The following DAB1 variants were observed in gnomAD, a reference collection of about 807,000 sequenced individuals.
DAB1 encodes the protein DAB adaptor protein 1, also known as disabled homolog 1.
DAB1 carries 15 observed loss-of-function variants against 64.6 expected under a neutral mutation model. The ratio of observed to expected loss-of-function variants is 0.23; its 90% CI spans 0.16 to 0.36. The LOEUF (loss-of-function observed/expected upper bound fraction) is 0.36, where lower values mean the gene tolerates loss of function less well. Among genes scored for constraint, DAB1 ranks in the 10% least tolerant of loss-of-function variants. The pLI is 1.00. For synonymous variants in DAB1, 235 were observed against 251.9 expected, an observed-to-expected ratio of 0.93 and a Z score of 0.64; for missense variants, 596 against 706.7, an observed-to-expected ratio of 0.84 and a Z score of 1.78.
At chr1:57,320,675 T>C (rs1406696951) in intron 1 of DAB1, among the ~76,000 whole-genome samples, 1 of 152,100 alleles carries the variant, frequency 6.6e-6, no homozygotes, top group Non-Finnish European at 1.5e-5. Context: ...AGGCACAAGT[T>C]TCTTTGTTAT....
At chr1:58,140,443 T>A (rs879921375) in intron 5 of DAB1, among the ~76,000 whole-genome samples, 4 of 152,142 alleles carry the variant, frequency 2.6e-5, no homozygotes, top group African/African-American at 4.8e-5. Context: ...GGATAAAAAA[T>A]CCTTAAAAGC....
At chr1:57,107,298 C>T (rs12407883) in intron 4 of DAB1, among the ~76,000 whole-genome samples, 5 of 150,970 alleles carry the variant, frequency 3.3e-5, no homozygotes, top group East Asian at 3.9e-4. Flanking sequence ...TCGCTTGAAC[C>T]GGGGAGGCGG....
At chr1:57,867,084 C>A (rs970443416) in intron 1 of DAB1, 1 of 152,186 alleles carries the variant, frequency 6.6e-6, no homozygotes, top group Non-Finnish European at 1.5e-5. Context: ...TGCAAAGGAA[C>A]ACATCCTGCC....
intron 1 of DAB1, among the ~76,000 whole-genome samples, chr1:57,402,605 T>C (rs540927660): frequency 6.6e-6 from 1 of 152,186 alleles, no homozygotes; most frequent in African/African-American, 2.4e-5. Context: ...TTGATTCAGA[T>C]TCTTCTAAGA....
intron 3 of DAB1, among the ~76,000 whole-genome samples, chr1:58,364,508 C>T (rs1644197550): frequency 6.6e-6 from 1 of 152,196 alleles, no homozygotes; most frequent in African/African-American, 2.4e-5. Flanking sequence ...ACCAGAGATG[C>T]TAATAGCTTA....
At chr1:57,981,733 C>T (rs529302491) in intron 5 of DAB1, among the ~76,000 whole-genome samples, 1 of 152,248 alleles carries the variant, frequency 6.6e-6, no homozygotes, top group East Asian at 1.9e-4. Flanking sequence ...TCTGTTGTCC[C>T]CTGACATAAA....
At chr1:57,309,587 C>A (rs1674496923) in intron 1 of DAB1, among the ~76,000 whole-genome samples, 1 of 152,090 alleles carries the variant, frequency 6.6e-6, no homozygotes, top group East Asian at 1.9e-4. Context: ...GAAACATTTT[C>A]CTAGAACTCC....
chr1:57,243,723 G>C (rs891730720), intron 2 of DAB1, among the ~76,000 whole-genome samples: 9 of 152,094 alleles, frequency 5.9e-5, no homozygotes, highest in Non-Finnish European at 1.2e-4. Context: ...AAATTCATTG[G>C]AGGCAGATGA....
intron 4 of DAB1, among the ~76,000 whole-genome samples, chr1:58,232,954 G>A (rs181204182): frequency 5.9e-4 from 90 of 152,232 alleles, no homozygotes; most frequent in Admixed American, 2.7e-3. Context: ...CTCCAAGCAG[G>A]TTGTTAGTGC....
In DAB1 at chr1:57,716,692, G is replaced by A. The variant is rs186377632; in HGVS notation, n.552-67027C>T. 5.1e-4 allele frequency among the ~76,000 whole-genome samples: 77 copies of A among 152,172 alleles called. 1 individual carries two copies. The highest frequency in any genetic ancestry group is 8.2e-4 in the Non-Finnish European group (56 of 68,008). On this transcript the variant is annotated intron_variant and non_coding_transcript_variant, in intron 6 of 20. Transcript: ENST00000485760. Reference sequence around the variant, plus strand: ...AACAGGGCAAGGATTGTTAAAATACGACTTCAAAAGCAAAGGCAACAAAAG... The same window carrying A: ...AACAGGGCAAGGATTGTTAAAATACAACTTCAAAAGCAAAGGCAACAAAAG...
intron 1 of DAB1, chr1:58,538,760 AAT>A (rs1326618109): frequency 5.6e-6 from 4 of 716,836 alleles, no homozygotes; most frequent in African/African-American, 1.8e-5. Context: ...GCAAAAAGTT[AAT>A]ATAAAAGTTT....
At chr1:58,181,149 T>C (rs1656768220) in intron 4 of DAB1, among the ~76,000 whole-genome samples, 1 of 152,180 alleles carries the variant, frequency 6.6e-6, no homozygotes, top group African/African-American at 2.4e-5. Flanking sequence ...GTTTTGGGAC[T>C]CTGTTGTTAG....
rs1341446315 is a variant in DAB1 at position 58,118,503 on chromosome 1, T to TATATACAC, written n.387+32007_387+32008insGTGTATAT. ...ATATATATATATATATATATATATATACACACACACACACACACATATATA... is the reference window on the plus strand; with the variant it reads ...ATATATATATATATATATATATATATATATACACACACACACACACACACACATATATA... On this transcript the variant is annotated intron_variant and non_coding_transcript_variant, in intron 5 of 20. Coordinates refer to the DAB1 transcript ENST00000485760. 4.1e-3 allele frequency among the ~76,000 whole-genome samples: 216 copies of TATATACAC among 52,994 alleles called. 3 individuals carry two copies. The highest frequency in any genetic ancestry group is 9.9e-3 in the African/African-American group (95 of 9,624). 34.8% of individuals were successfully genotyped at this position (52,994 alleles called of 152,430 possible). A position where few individuals can be genotyped will look rare whatever the true frequency, so the allele number is the denominator to read the frequency against.
chr1:57,025,774 C>CA (rs1343318972), intron 10 of DAB1, among the ~76,000 whole-genome samples: 1 of 152,202 alleles, frequency 6.6e-6, no homozygotes, highest in East Asian at 1.9e-4. Flanking sequence ...AAAACAGAGG[C>CA]ATATATCATA....
At chr1:57,211,713 A>G (rs149919137) in intron 2 of DAB1, among the ~76,000 whole-genome samples, 13 of 152,366 alleles carry the variant, frequency 8.5e-5, no homozygotes, top group African/African-American at 2.9e-4. Context: ...CACAGGTACC[A>G]CATCTGAGGA....
intron 2 of DAB1, among the ~76,000 whole-genome samples, chr1:57,205,695 C>G (rs971933747): frequency 2.6e-5 from 4 of 152,136 alleles, no homozygotes; most frequent in Non-Finnish European, 5.9e-5. Context: ...TCAAAAGAGG[C>G]AAAATTCCTT....
At chr1:57,325,462 G>C (rs1256067657) in intron 1 of DAB1, among the ~76,000 whole-genome samples, 1 of 152,190 alleles carries the variant, frequency 6.6e-6, no homozygotes, top group Non-Finnish European at 1.5e-5. Context: ...AGTGTGCTTT[G>C]GTGTGAGGAC....
At chr1:57,041,291 C>T (rs1355521622) in intron 9 of DAB1, among the ~76,000 whole-genome samples, 2 of 152,164 alleles carry the variant, frequency 1.3e-5, no homozygotes, top group African/African-American at 2.4e-5. Context: ...AAACATTTCC[C>T]GAATGCCCAT....
At position 58,313,070 on chromosome 1, in the gene DAB1, A is replaced by T. The variant is rs371185392; in HGVS notation, n.309+30282T>A. On this transcript the variant is annotated intron_variant and non_coding_transcript_variant, in intron 4 of 20. Transcript: ENST00000485760. ...ACCCCAGCATTACTACCTCCAAGTC[A>T]TGACTCCAGTCTTCCCTGCTGTCCA... Among the ~76,000 whole-genome samples, 145 of 152,234 alleles carry T rather than the reference A, an allele frequency of 9.5e-4. 2 individuals carry two copies. Among genetic ancestry groups the T allele is most frequent in the African/African-American group, 3.4e-3 (140 of 41,534 alleles).
Sources: allele counts gnomAD v4.1 joint callset (sites outside exome capture counted in the v4.1 genomes callset), GRCh38; gene constraint gnomAD v4.1.1; transcripts MANE v1.5; gene names NCBI Gene and HGNC (gene_info 2026-07-23, HGNC 2026-07-21).